The following CEP63 variants were observed in gnomAD, a reference collection of about 807,000 sequenced individuals.
The protein encoded by CEP63 is centrosomal protein of 63 kDa.
In CEP63, 84 loss-of-function variants were observed where a neutral mutation model predicts 89.1. The ratio of observed to expected loss-of-function variants is 0.94; its 90% CI spans 0.79 to 1.13. The LOEUF (loss-of-function observed/expected upper bound fraction) is 1.13. Among genes scored for constraint, CEP63 ranks in the 50% most tolerant of loss-of-function variants. The pLI is 0.00. For synonymous variants in CEP63, 267 were observed against 272.5 expected, an observed-to-expected ratio of 0.98 and a Z score of 0.20; for missense variants, 838 against 813.3, an observed-to-expected ratio of 1.03 and a Z score of -0.37.
At chr3:134,539,174 A>G (rs962034550) in intron 6 of CEP63, among the ~76,000 whole-genome samples, 16 of 152,220 alleles carry the variant, frequency 1.1e-4, no homozygotes, top group Non-Finnish European at 2.4e-4. Flanking sequence ...ACATCTAAAT[A>G]AACTTATCTA....
upstream of CEP63, chr3:134,485,954 G>T: frequency 4.1e-6 from 4 of 982,042 alleles, no homozygotes; most frequent in Non-Finnish European, 4.8e-6. Flanking sequence ...ACCCTTACCG[G>T]CACCCGGCCA....
downstream of CEP63, among the ~76,000 whole-genome samples, chr3:134,587,982 T>C (rs1958520539): frequency 6.6e-6 from 1 of 152,160 alleles, no homozygotes; most frequent in Non-Finnish European, 1.5e-5. Flanking sequence ...TCAGAATATG[T>C]CCCTCTTCAA....
the CEP63 span, among the ~76,000 whole-genome samples, chr3:134,701,312 A>ATG: frequency 4.0e-5 from 1 of 24,856 alleles, no homozygotes; most frequent in Non-Finnish European, 8.4e-5. Flanking sequence ...ATACGTATAT[A>ATG]TGTGTATATA....
At chr3:134,637,381 T>A in the CEP63 span, among the ~76,000 whole-genome samples, 1 of 152,216 alleles carries the variant, frequency 6.6e-6, no homozygotes, top group Non-Finnish European at 1.5e-5. Context: ...AAGTGAGTGC[T>A]AAGTGGTACT....
chr3:134,693,209 A>G, the CEP63 span, among the ~76,000 whole-genome samples: 2 of 152,226 alleles, frequency 1.3e-5, no homozygotes, highest in African/African-American at 4.8e-5. Flanking sequence ...AGGGAAGCTC[A>G]TTTAGAATAG....
At chr3:134,722,556 T>C in the CEP63 span, among the ~76,000 whole-genome samples, 6 of 152,166 alleles carry the variant, frequency 3.9e-5, no homozygotes, top group East Asian at 1.2e-3. Context: ...TTCATTCATT[T>C]CCATTCTAAT....
At position 134,545,601 on chromosome 3, in the gene CEP63, C is replaced by G. The variant is rs759870175; in HGVS notation, c.571C>G (p.Arg191Gly). 2 of 1,613,710 alleles carry G rather than the reference C, an allele frequency of 1.2e-6. No homozygotes were observed. Among genetic ancestry groups the G allele is most frequent in the South Asian group, 2.2e-5 (2 of 91,072 alleles). ...SEIIQAQLVN[R>G]KQKLESVELS... is the part of the protein sequence containing the mutation. ...GTGTTTCTAGGCTCAGCTTGTCAAT[C>G]GGAAACAGAAATTAGAGTCTGTGGA... The change falls in exon 7 of 15, where the codon CGG (arginine) becomes GGG (glycine). Residue 191 changes from arginine to glycine, a missense_variant. By Grantham distance (125) the Arg-to-Gly change is moderately radical. Coordinates refer to ENST00000675561, the MANE Select transcript of CEP63 (RefSeq NM_001353108.3).
intron 11 of CEP63, among the ~76,000 whole-genome samples, chr3:134,573,261 C>T (rs1958087109): frequency 6.6e-6 from 1 of 152,092 alleles, no homozygotes; most frequent in African/African-American, 2.4e-5. Context: ...TTAATTAGGT[C>T]CCACTTGTCA....
chr3:134,635,744 A>T, the CEP63 span, among the ~76,000 whole-genome samples: 1 of 152,202 alleles, frequency 6.6e-6, no homozygotes, highest in East Asian at 1.9e-4. Flanking sequence ...AATTTAAAAT[A>T]AAAATAAAAG....
chr3:134,629,146 C>T, the CEP63 span, among the ~76,000 whole-genome samples: 1 of 152,228 alleles, frequency 6.6e-6, no homozygotes, highest in African/African-American at 2.4e-5. Context: ...AGACCACAGG[C>T]TTCAGAGTCA....
the CEP63 span, among the ~76,000 whole-genome samples, chr3:134,667,424 G>T: frequency 6.6e-6 from 1 of 152,164 alleles, no homozygotes; most frequent in Admixed American, 6.5e-5. Flanking sequence ...TACTGAGTTG[G>T]TCACAGTCTT....
At chr3:134,701,364 A>G in the CEP63 span, among the ~76,000 whole-genome samples, 9 of 4,300 alleles carry the variant, frequency 2.1e-3, no homozygotes, top group African/African-American at 3.6e-3. Flanking sequence ...GTATATATAC[A>G]TATACACACA....
the CEP63 span, among the ~76,000 whole-genome samples, chr3:134,754,811 T>C: frequency 3.3e-5 from 5 of 152,162 alleles, no homozygotes; most frequent in Non-Finnish European, 5.9e-5. Context: ...GCTCCACTCC[T>C]AACCATGACT....
downstream of CEP63, among the ~76,000 whole-genome samples, chr3:134,592,148 A>G (rs1387302469): frequency 6.6e-6 from 1 of 152,118 alleles, no homozygotes; most frequent in Non-Finnish European, 1.5e-5. Flanking sequence ...GCTCACTCAC[A>G]TGGCTGTTGG....
chr3:134,519,503 A>G (rs1261360949), intron 3 of CEP63, among the ~76,000 whole-genome samples: 1 of 152,200 alleles, frequency 6.6e-6, no homozygotes, highest in Admixed American at 6.5e-5. Context: ...TCATTGGTGA[A>G]TTCTACCAGA....
At chr3:134,560,706 G>A (rs1010047829) in intron 14 of CEP63, among the ~76,000 whole-genome samples, 2 of 152,058 alleles carry the variant, frequency 1.3e-5, no homozygotes, top group African/African-American at 4.8e-5. Flanking sequence ...CTAGGATTTA[G>A]GATTATGCTC....
At position 134,558,400 on chromosome 3, in the gene CEP63, C is replaced by T. The variant is rs1351776060; in HGVS notation, c.1673+53C>T. On this transcript the variant is annotated intron_variant, in intron 13 of 14. Transcript: ENST00000675561. ...ATGTGTATTGGTACAATATAATTCT[C>T]ATTTCTTTGAGAATAATTTTTGACT... 3.4e-6 allele frequency: 4 copies of T among 1,185,908 alleles called. No individual in the cohort carries two copies. The African/African-American group carries it at 4.6e-5, about 14-fold the overall frequency. The allele number at this position is 1,185,908 out of a possible 1,614,324, so 73.5% of individuals were successfully genotyped here.
At chr3:134,599,706 G>A in the CEP63 span, among the ~76,000 whole-genome samples, 25 of 152,308 alleles carry the variant, frequency 1.6e-4, no homozygotes, top group Middle Eastern at 6.8e-3. Flanking sequence ...TCAAAGGCAT[G>A]TGAACCATAG....
the CEP63 span, among the ~76,000 whole-genome samples, chr3:134,665,700 C>CAGAGAGAG: frequency 3.8e-5 from 4 of 106,572 alleles, no homozygotes; most frequent in African/African-American, 1.5e-4. Flanking sequence ...CACACACACA[C>CAGAGAGAG]ACAGAGAGAG....
Sources: gnomAD v4.1 joint callset for allele counts (sites outside exome capture counted in the v4.1 genomes callset) on GRCh38, gnomAD v4.1.1 for gene constraint, MANE v1.5 for transcripts, NCBI Gene and HGNC (gene_info 2026-07-23, HGNC 2026-07-21) for gene names.